Variants in TCF12 observed in about 807,000 individuals in gnomAD.
The protein encoded by TCF12 is DNA-binding protein HTF4.
Under a neutral mutation model 86.0 loss-of-function variants are expected in TCF12, and 45 were observed. The observed-to-expected ratio is 0.52, with a 90% CI of 0.41 to 0.67. The LOEUF is 0.67. Among genes scored for constraint, TCF12 ranks in the 30% least tolerant of loss-of-function variants. The pLI, the probability that TCF12 is intolerant of heterozygous loss-of-function variation, is 0.00. For missense variants in TCF12, 881 were observed against 859.9 expected (o/e 1.02, Z -0.31); for synonymous variants, 330 against 299.6 (o/e 1.10, Z -1.05).
At chr15:57,215,817 A>G (rs1480997738) in intron 8 of TCF12, among the ~76,000 whole-genome samples, 2 of 152,150 alleles carry the variant, frequency 1.3e-5, no homozygotes, top group Admixed American at 6.6e-5. Flanking sequence ...TGATCCAAAT[A>G]TCAGGATAAA....
chr15:57,142,071 G>C (rs1369796363), intron 5 of TCF12, among the ~76,000 whole-genome samples: 1 of 152,184 alleles, frequency 6.6e-6, no homozygotes, highest in Non-Finnish European at 1.5e-5. Flanking sequence ...ACAAGAGGAG[G>C]TGAGATAAGA....
chr15:57,228,016 A>G (rs1045253802), intron 8 of TCF12, among the ~76,000 whole-genome samples: 4 of 152,056 alleles, frequency 2.6e-5, no homozygotes, highest in African/African-American at 4.8e-5. Context: ...TAACTAGGGG[A>G]AAAAAACTGG....
intron 2 of TCF12, 59 bp downstream of exon 2, chr15:56,920,047 T>G: frequency 6.3e-7 from 1 of 1,599,306 alleles, no homozygotes; most frequent in South Asian, 1.1e-5. Flanking sequence ...TGTTTGTTTG[T>G]TTGTTTCTTT....
intron 5 of TCF12, among the ~76,000 whole-genome samples, chr15:57,148,694 G>A (rs1176132254): frequency 8.7e-6 from 1 of 114,408 alleles, no homozygotes; most frequent in Non-Finnish European, 1.8e-5. Flanking sequence ...CAGCCTGGGT[G>A]ACGTGGCAAA....
At chr15:57,241,487 A>G (rs994329880) in intron 12 of TCF12, among the ~76,000 whole-genome samples, 3 of 152,146 alleles carry the variant, frequency 2.0e-5, no homozygotes, top group Non-Finnish European at 2.9e-5. Context: ...AGCTTTTTAA[A>G]TAGAGTATAC....
intron 5 of TCF12, among the ~76,000 whole-genome samples, chr15:57,123,582 C>T (rs1206324038): frequency 3.3e-5 from 5 of 151,410 alleles, no homozygotes; most frequent in African/African-American, 1.2e-4. Context: ...GGCACAATCT[C>T]AGCTCACTGC....
chr15:57,205,068 T>C (rs547584078), intron 8 of TCF12, among the ~76,000 whole-genome samples: 2 of 152,072 alleles, frequency 1.3e-5, no homozygotes, highest in South Asian at 4.2e-4. Flanking sequence ...ATCCCAAAAC[T>C]TTGGGAGGTG....
At chr15:57,054,609 C>T (rs1427025916) in intron 3 of TCF12, among the ~76,000 whole-genome samples, 1 of 152,016 alleles carries the variant, frequency 6.6e-6, no homozygotes, top group African/African-American at 2.4e-5. Flanking sequence ...GTCTTCTTTC[C>T]CAGACAGAAG....
chr15:57,276,836 G>T (rs1028724606), intron 19 of TCF12, among the ~76,000 whole-genome samples: 14 of 120,958 alleles, frequency 1.2e-4, no homozygotes, highest in Admixed American at 1.0e-3. Context: ...GCCGAGTCTC[G>T]CCCTGTCACC....
intron 3 of TCF12, among the ~76,000 whole-genome samples, chr15:56,996,582 A>G (rs2063727782): frequency 6.6e-6 from 1 of 152,206 alleles, no homozygotes; most frequent in Non-Finnish European, 1.5e-5. Flanking sequence ...TAGCCTTGGC[A>G]AGGAATTTGT....
chr15:57,174,652 C>G (rs761209525), intron 6 of TCF12, among the ~76,000 whole-genome samples: 15 of 152,160 alleles, frequency 9.9e-5, no homozygotes, highest in Admixed American at 3.9e-4. Context: ...AAGAAAACTT[C>G]TAAAACTAAA....
intron 3 of TCF12, among the ~76,000 whole-genome samples, chr15:57,045,144 T>G (rs1337464549): frequency 1.8e-4 from 27 of 152,204 alleles, no homozygotes; most frequent in Non-Finnish European, 1.5e-5. Flanking sequence ...TTATAGACAC[T>G]TAGAAATGAC....
intron 8 of TCF12, among the ~76,000 whole-genome samples, chr15:57,228,990 A>G (rs1001908649): frequency 3.9e-5 from 6 of 152,008 alleles, no homozygotes; most frequent in African/African-American, 1.4e-4. Flanking sequence ...GATGATGTGT[A>G]TAGTAAGTGC....
chr15:57,257,679 GTATATATA>G (rs55834033), intron 16 of TCF12, among the ~76,000 whole-genome samples: 46 of 140,190 alleles, frequency 3.3e-4, no homozygotes, highest in Admixed American at 2.9e-4. Flanking sequence ...AAAAAAAAGT[GTATATATA>G]TATATATATA....
intron 3 of TCF12, among the ~76,000 whole-genome samples, chr15:57,036,824 T>A (rs2066533410): frequency 2.0e-5 from 3 of 152,186 alleles, no homozygotes; most frequent in Admixed American, 2.0e-4. Context: ...TTAAAAAAAT[T>A]ATTGCTTGTG....
At chr15:56,933,117 A>T (rs528503811) in intron 3 of TCF12, among the ~76,000 whole-genome samples, 2 of 152,332 alleles carry the variant, frequency 1.3e-5, no homozygotes, top group Non-Finnish European at 2.9e-5. Context: ...AAGAATGGTT[A>T]CTTCATAGTA....
intron 4 of TCF12, among the ~76,000 whole-genome samples, chr15:57,077,171 A>G (rs777002706): frequency 1.7e-4 from 26 of 152,120 alleles, no homozygotes; most frequent in Non-Finnish European, 3.2e-4. Context: ...TAAAACCAGT[A>G]TGTCAGTTTC....
chr15:57,127,246 G>T (rs1344871316), intron 5 of TCF12, among the ~76,000 whole-genome samples: 3 of 152,048 alleles, frequency 2.0e-5, no homozygotes, highest in Non-Finnish European at 4.4e-5. Context: ...GCCTCCCAAA[G>T]TGCTGGGATT....
intron 3 of TCF12, among the ~76,000 whole-genome samples, chr15:56,958,968 G>A (rs935253486): frequency 5.9e-5 from 9 of 152,166 alleles, no homozygotes; most frequent in Non-Finnish European, 1.0e-4. Flanking sequence ...TTCAACCTCA[G>A]TGCCCTTTAT....
Sources: allele counts gnomAD v4.1 joint callset (sites outside exome capture counted in the v4.1 genomes callset), GRCh38; gene constraint gnomAD v4.1.1; transcripts MANE v1.5; gene names NCBI Gene and HGNC (gene_info 2026-07-23, HGNC 2026-07-21).